Variants in ANKS1B observed in about 807,000 individuals in gnomAD.
The protein encoded by ANKS1B is ankyrin repeat and sterile alpha motif domain containing 1B.
Under a neutral mutation model 148.3 loss-of-function variants are expected in ANKS1B, and 36 were observed. That is an observed-to-expected ratio of 0.24 (90% CI 0.19 to 0.32). ANKS1B has a LOEUF of 0.32. Ranked by LOEUF, ANKS1B falls within the 10% of genes least tolerant of loss-of-function variation. The probability of loss-of-function intolerance (pLI) is 1.00; values close to 1 mark genes in which losing one functional copy is unlikely to be tolerated. For synonymous variants in ANKS1B, 542 were observed against 560.8 expected (o/e 0.97, Z 0.47); for missense variants, 1,157 against 1,542.6 (o/e 0.75, Z 4.19).
intron 12 of ANKS1B, among the ~76,000 whole-genome samples, chr12:99,299,210 G>A (rs193280109): frequency 6.7e-4 from 102 of 152,132 alleles, no homozygotes; most frequent in African/African-American, 2.1e-3. Flanking sequence ...ACAGGTGTGC[G>A]CTACCATGCC....
intron 12 of ANKS1B, among the ~76,000 whole-genome samples, chr12:99,319,889 G>A (rs2084909141): frequency 1.3e-5 from 2 of 152,234 alleles, no homozygotes; most frequent in South Asian, 4.2e-4. Flanking sequence ...CAGGCCTAGT[G>A]GTGACAAAGT....
intron 16 of ANKS1B, among the ~76,000 whole-genome samples, chr12:99,063,738 C>T (rs888993581): frequency 1.3e-5 from 2 of 152,166 alleles, no homozygotes; most frequent in Admixed American, 1.3e-4. Context: ...GGAAGACACC[C>T]TTTAAGGAGT....
At chr12:99,078,641 T>G (rs1438126347) in intron 16 of ANKS1B, among the ~76,000 whole-genome samples, 1 of 152,062 alleles carries the variant, frequency 6.6e-6, no homozygotes, top group Non-Finnish European at 1.5e-5. Context: ...TTCCTTGTAG[T>G]TTTTGACGGA....
intron 1 of ANKS1B, among the ~76,000 whole-genome samples, chr12:99,846,718 A>C (rs1317543524): frequency 6.6e-6 from 1 of 152,152 alleles, no homozygotes; most frequent in East Asian, 1.9e-4. Context: ...ATTTACAAAC[A>C]TAGTGCCATG....
At chr12:98,840,253 C>A (rs1033910877) in intron 17 of ANKS1B, among the ~76,000 whole-genome samples, 1 of 152,186 alleles carries the variant, frequency 6.6e-6, no homozygotes, top group Non-Finnish European at 1.5e-5. Context: ...TTCCTTACAT[C>A]CCACCATCTG....
intron 1 of ANKS1B, among the ~76,000 whole-genome samples, chr12:99,957,154 C>A (rs537899656): frequency 6.6e-6 from 1 of 152,098 alleles, no homozygotes; most frequent in South Asian, 2.1e-4. Flanking sequence ...GATAAGGAGA[C>A]GATATATCTA....
chr12:99,670,715 G>A (rs57250805), intron 8 of ANKS1B, among the ~76,000 whole-genome samples: 55 of 152,122 alleles, frequency 3.6e-4, no homozygotes, highest in African/African-American at 1.3e-3. Context: ...AAGCAACCAG[G>A]GCAAGTAGAG....
chr12:98,859,036 A>G (rs920333205), intron 17 of ANKS1B, among the ~76,000 whole-genome samples: 6 of 152,164 alleles, frequency 3.9e-5, no homozygotes, highest in Non-Finnish European at 8.8e-5. Flanking sequence ...TGGATTTTCT[A>G]TTGGCTAAAG....
intron 17 of ANKS1B, among the ~76,000 whole-genome samples, chr12:98,872,368 G>T (rs1266320081): frequency 1.3e-5 from 2 of 152,088 alleles, no homozygotes; most frequent in Non-Finnish European, 2.9e-5. Context: ...GTGAAACCCT[G>T]TCTCTACTAA....
At chr12:99,648,240 C>T in intron 9 of ANKS1B, 1 of 1,614,206 alleles carries the variant, frequency 6.2e-7, no homozygotes, top group Non-Finnish European at 8.5e-7. Context: ...GCATGTTTAA[C>T]ACCTCCATGG....
intron 15 of ANKS1B, among the ~76,000 whole-genome samples, chr12:99,137,733 A>T (rs1470645582): frequency 6.6e-6 from 1 of 152,038 alleles, no homozygotes; most frequent in African/African-American, 2.4e-5. Context: ...ACTACTGAAT[A>T]ACCCCTGTGT....
chr12:99,182,083 T>G (rs773671696), intron 14 of ANKS1B, among the ~76,000 whole-genome samples: 1 of 152,158 alleles, frequency 6.6e-6, no homozygotes. Context: ...CAGTTCCACA[T>G]GGCTGGGGAG....
rs114140931 is a variant in ANKS1B, at chr12:99,653,942, G to A, written c.1272+1125C>T. 6.7e-3 allele frequency among the ~76,000 whole-genome samples: 1,020 copies of A among 152,164 alleles called. 14 individuals carry two copies. The highest frequency in any genetic ancestry group is 0.024 in the African/African-American group (985 of 41,518). ...GCCTCCCACAGTGCTGAGATTACAG[G>A]TGTGAGATACCACATCGAACCCATT... On this transcript the variant is annotated intron_variant, in intron 9 of 26. Coordinates refer to ENST00000683438, the MANE Select transcript of ANKS1B (RefSeq NM_001352186.2).
intron 15 of ANKS1B, among the ~76,000 whole-genome samples, chr12:99,123,013 T>TATATATAA (rs1406812994): frequency 1.4e-4 from 20 of 145,690 alleles, no homozygotes; most frequent in East Asian, 5.9e-4. Context: ...TATATATATA[T>TATATATAA]AAACATGTAT....
intron 12 of ANKS1B, among the ~76,000 whole-genome samples, chr12:99,357,332 G>A (rs1161427599): frequency 1.3e-5 from 2 of 151,710 alleles, no homozygotes; most frequent in Non-Finnish European, 2.9e-5. Flanking sequence ...CAACTTTTTA[G>A]CATTTTAAAT....
At chr12:98,891,550 C>A (rs1161621973) in intron 17 of ANKS1B, among the ~76,000 whole-genome samples, 1 of 152,100 alleles carries the variant, frequency 6.6e-6, no homozygotes, top group East Asian at 1.9e-4. Context: ...ATTTCTGGAA[C>A]AATGCATTAT....
At chr12:99,081,957 G>A (rs571339122) in intron 16 of ANKS1B, among the ~76,000 whole-genome samples, 1 of 152,132 alleles carries the variant, frequency 6.6e-6, no homozygotes, top group Admixed American at 6.6e-5. Flanking sequence ...ATGTTGCACT[G>A]TCTCTGCCCT....
intron 1 of ANKS1B, among the ~76,000 whole-genome samples, chr12:99,843,534 T>G (rs1340165878): frequency 6.6e-6 from 1 of 152,168 alleles, no homozygotes; most frequent in African/African-American, 2.4e-5. Flanking sequence ...TGCATTAGTT[T>G]GCTGAGGATA....
chr12:99,169,930 C>G (rs1460653771), intron 14 of ANKS1B, among the ~76,000 whole-genome samples: 1 of 152,148 alleles, frequency 6.6e-6, no homozygotes, highest in Non-Finnish European at 1.5e-5. Context: ...GGAAACTTGT[C>G]CTTTTGCAGG....
Sources: gnomAD v4.1 joint callset for allele counts (sites outside exome capture counted in the v4.1 genomes callset) on GRCh38, gnomAD v4.1.1 for gene constraint, MANE v1.5 for transcripts, NCBI Gene and HGNC (gene_info 2026-07-23, HGNC 2026-07-21) for gene names.